The following TBX5 variants were observed in gnomAD, a reference collection of about 807,000 sequenced individuals.
TBX5 encodes T-box transcription factor TBX5.
A neutral mutation model predicts 51.1 loss-of-function variants in TBX5; 8 were observed. The ratio of observed to expected loss-of-function variants is 0.16; its 90% CI spans 0.09 to 0.28. TBX5 has a LOEUF of 0.28. TBX5 is among the 10% of genes least tolerant of loss of function. The probability of loss-of-function intolerance (pLI) is 1.00; values close to 1 mark genes in which losing one functional copy is unlikely to be tolerated. For missense variants in TBX5, 589 were observed against 671.7 expected, an observed-to-expected ratio of 0.88 and a Z score of 1.36; for synonymous variants, 302 against 266.4, an observed-to-expected ratio of 1.13 and a Z score of -1.30.
intron 8 of TBX5, among the ~76,000 whole-genome samples, chr12:114,365,829 C>CAAAAAAAAAAAAAAA (rs56315440): frequency 8.0e-6 from 1 of 124,650 alleles, no homozygotes; most frequent in African/African-American, 3.0e-5. Flanking sequence ...GATCCTGTCT[C>CAAAAAAAAAAAAAAA]AAAAAAAAAA....
In TBX5 at chr12:114,394,701, C is replaced by T. The variant is rs769346858; in HGVS notation, c.663+40G>A. 1.2e-5 allele frequency: 19 copies of T among 1,613,326 alleles called. No individual in the cohort carries two copies. In the Admixed American group the frequency reaches 3.0e-4, roughly 25 times the overall value. ...TTGCAGATTCATGCAAAAGAAAGAG[C>T]AGACGGCCCCAGGCACTGGTTCCTG... On this transcript the variant is annotated intron_variant, in intron 6 of 8. Coordinates refer to ENST00000405440, the MANE Select transcript of TBX5 (RefSeq NM_181486.4).
At chr12:114,403,045 G>A (rs999106532) in intron 2 of TBX5, among the ~76,000 whole-genome samples, 8 of 152,246 alleles carry the variant, frequency 5.3e-5, no homozygotes, top group African/African-American at 1.9e-4. Flanking sequence ...ATCTACTGAG[G>A]GGCCGACTTG....
In TBX5 at chr12:114,399,956, G is replaced by A. The variant is rs1946299; in HGVS notation, c.243-324C>T. ...TCAACTCTTGCTAACCGCCCTTTTC[G>A]GAGCCAGACACCTATTATTAATATT... On this transcript the variant is annotated intron_variant, in intron 3 of 8. Coordinates refer to ENST00000405440, the MANE Select transcript of TBX5 (RefSeq NM_181486.4). Among the ~76,000 whole-genome samples the A allele has an allele frequency of 0.72, 110,110 of 152,134 alleles. 41,285 individuals are homozygous for A. Among genetic ancestry groups the A allele is most frequent in the East Asian group, 0.98 (5,085 of 5,168 alleles).
chr12:114,363,365 A>G (rs1369691562), intron 8 of TBX5, among the ~76,000 whole-genome samples: 2 of 152,200 alleles, frequency 1.3e-5, no homozygotes, highest in East Asian at 3.8e-4. Flanking sequence ...GTCATAACCT[A>G]AGAGGTTTGT....
intron 6 of TBX5, among the ~76,000 whole-genome samples, chr12:114,385,908 C>G (rs1823007277): frequency 6.6e-6 from 1 of 151,448 alleles, no homozygotes; most frequent in African/African-American, 2.4e-5. Context: ...ACTCAGTACT[C>G]CCTCCCCTTT....
At chr12:114,356,899 G>A (rs1258949179) in intron 8 of TBX5, among the ~76,000 whole-genome samples, 1 of 152,278 alleles carries the variant, frequency 6.6e-6, no homozygotes, top group Non-Finnish European at 1.5e-5. Flanking sequence ...ATAAACAGTA[G>A]AGCCAGGATT....
At chr12:114,397,640 A>G (rs1487314469) in intron 5 of TBX5, among the ~76,000 whole-genome samples, 1 of 152,230 alleles carries the variant, frequency 6.6e-6, no homozygotes, top group African/African-American at 2.4e-5. Context: ...AGCAGGCTGC[A>G]CATTCAATAC....
At chr12:114,384,881 C>CT (rs1435087278) in intron 7 of TBX5, among the ~76,000 whole-genome samples, 1 of 152,128 alleles carries the variant, frequency 6.6e-6, no homozygotes, top group Non-Finnish European at 1.5e-5. Context: ...TTGTACAATC[C>CT]TTTCAAATCA....
At chr12:114,370,879 T>A (rs1010887961) in intron 7 of TBX5, among the ~76,000 whole-genome samples, 2 of 152,036 alleles carry the variant, frequency 1.3e-5, no homozygotes, top group Non-Finnish European at 2.9e-5. Context: ...CATGAACCCA[T>A]CACCCGAGCA....
At chr12:114,393,694 T>C (rs1871275542) in intron 6 of TBX5, among the ~76,000 whole-genome samples, 1 of 152,168 alleles carries the variant, frequency 6.6e-6, no homozygotes, top group African/African-American at 2.4e-5. Context: ...GCCTGGATTT[T>C]GAACCTCATG....
intron 5 of TBX5, 78 bp from the exon 6 acceptor site, chr12:114,394,971 C>T: frequency 1.3e-6 from 2 of 1,481,518 alleles, no homozygotes; most frequent in South Asian, 2.3e-5. Context: ...GCTCCCCGCC[C>T]TCTAAATTCG....
chr12:114,389,246 C>T (rs1871011650), intron 6 of TBX5, among the ~76,000 whole-genome samples: 1 of 151,992 alleles, frequency 6.6e-6, no homozygotes, highest in African/African-American at 2.4e-5. Flanking sequence ...TTTCTTGACT[C>T]TTCTGAATGA....
intron 7 of TBX5, among the ~76,000 whole-genome samples, chr12:114,380,304 A>G (rs1337941985): frequency 1.3e-5 from 2 of 152,206 alleles, no homozygotes; most frequent in Non-Finnish European, 2.9e-5. Flanking sequence ...TCAAACAGCA[A>G]TGGCACTCTC....
rs1868767811 is a variant in TBX5, at chr12:114,354,599, A to G, written c.*933T>C. On this transcript the variant is annotated 3_prime_UTR_variant, in exon 9 of 9. Transcript: ENST00000405440. Reference sequence around the variant, plus strand: ...TTTTTCAAAAAAAATTTTTTTAATCAGGAAGAATATTTATTTTGGCTTTTT... The same window carrying G: ...TTTTTCAAAAAAAATTTTTTTAATCGGGAAGAATATTTATTTTGGCTTTTT... The G allele has an allele frequency of 6.6e-6, 1 of 152,524 alleles. No homozygotes were observed. The allele number at this position is 152,524 out of a possible 1,614,324, so 9.4% of individuals were successfully genotyped here. A position where few individuals can be genotyped will look rare whatever the true frequency, so the allele number is the denominator to read the frequency against.
In TBX5 at chr12:114,406,103, G is replaced by A. The variant is rs541207525; in HGVS notation, c.-514C>T. The A allele has an allele frequency of 1.1e-6, 1 of 918,932 alleles. No homozygotes were observed. The highest frequency in any genetic ancestry group is 6.2e-5 in the Admixed American group (1 of 16,162). The allele number at this position is 918,932 out of a possible 1,614,324, so 56.9% of individuals were successfully genotyped here. The stretch of plus-strand genomic sequence containing the variant: ...CTCTGAAATACAAGCCAACTCAGCT[G>A]AGCACAGTGACGTTGGGTTGCCTCG... On this transcript the variant is annotated 5_prime_UTR_variant, in exon 1 of 9. Transcript: ENST00000405440.
intron 2 of TBX5, 85 bp downstream of exon 2, chr12:114,403,667 C>T: frequency 6.5e-7 from 1 of 1,547,584 alleles, no homozygotes; most frequent in African/African-American, 1.4e-5. Flanking sequence ...TGTTTTTGTT[C>T]TGTCCCCGCA....
intron 7 of TBX5, among the ~76,000 whole-genome samples, chr12:114,380,311 T>C (rs1387035883): frequency 6.6e-6 from 1 of 152,230 alleles, no homozygotes; most frequent in Non-Finnish European, 1.5e-5. Context: ...GCAATGGCAC[T>C]CTCAAGCCTT....
chr12:114,355,305 GTTTTT>G lies in TBX5; in HGVS notation c.*222_*226del. On this transcript the variant is annotated 3_prime_UTR_variant, in exon 9 of 9. Coordinates refer to ENST00000405440, the MANE Select transcript of TBX5 (RefSeq NM_181486.4). ...GGGTGGGACTCATCTTTTTGTGTTTGTTTTTTTAAGTTTTGAGACAAAACAAGAAA... is the reference window on the plus strand; with the variant it reads ...GGGTGGGACTCATCTTTTTGTGTTTGTTAAGTTTTGAGACAAAACAAGAAA... 1 of 647,586 alleles carries G rather than the reference GTTTTT, an allele frequency of 1.5e-6. No homozygotes were observed. 40.1% of individuals were successfully genotyped at this position (647,586 alleles called of 1,614,324 possible).
chr12:114,371,086 T>C (rs1869876918), intron 7 of TBX5, among the ~76,000 whole-genome samples: 1 of 152,164 alleles, frequency 6.6e-6, no homozygotes, highest in South Asian at 2.1e-4. Flanking sequence ...CAAATCCCAC[T>C]TTATAAAGCA....
Sources: gnomAD v4.1 joint callset for allele counts (sites outside exome capture counted in the v4.1 genomes callset) on GRCh38, gnomAD v4.1.1 for gene constraint, MANE v1.5 for transcripts, NCBI Gene and HGNC (gene_info 2026-07-23, HGNC 2026-07-21) for gene names.